TNNI3K: variants seen among roughly 807,000 people sequenced by gnomAD.
TNNI3K encodes TNNI3 interacting kinase, also known as serine/threonine-protein kinase TNNI3K.
A neutral mutation model predicts 114.5 loss-of-function variants in TNNI3K; 140 were observed. That is an observed-to-expected ratio of 1.22 (90% CI 1.07 to 1.41). The LOEUF (loss-of-function observed/expected upper bound fraction) is 1.41, where lower values mean the gene tolerates loss of function less well. Among genes scored for constraint, TNNI3K ranks in the 40% most tolerant of loss-of-function variants. TNNI3K has a pLI of 0.00. For missense variants in TNNI3K, 1,125 were observed against 1,007.6 expected, an observed-to-expected ratio of 1.12 and a Z score of -1.58; for synonymous variants, 347 against 347.5, an observed-to-expected ratio of 1.00 and a Z score of 0.02.
At chr1:74,353,644 C>CAAAAAAAAAAAGAAAAAAAAA (rs1661503781) in intron 10 of TNNI3K, among the ~76,000 whole-genome samples, 1 of 134,190 alleles carries the variant, frequency 7.5e-6, no homozygotes. Flanking sequence ...ATTTGGTGAT[C>CAAAAAAAAAAAGAAAAAAAAA]AAAAAAAAAA....
chr1:74,410,404 G>A (rs1256826278), intron 17 of TNNI3K, among the ~76,000 whole-genome samples: 2 of 152,168 alleles, frequency 1.3e-5, no homozygotes, highest in African/African-American at 4.8e-5. Context: ...TTAATCCAGT[G>A]CACTTTCCAC....
chr1:74,402,573 A>G (rs181442345), intron 17 of TNNI3K, among the ~76,000 whole-genome samples: 8 of 152,318 alleles, frequency 5.3e-5, no homozygotes, highest in African/African-American at 1.7e-4. Context: ...AACTCTATAT[A>G]TGTAGATTCA....
At chr1:74,349,789 T>C (rs1452767358) in intron 9 of TNNI3K, among the ~76,000 whole-genome samples, 1 of 152,216 alleles carries the variant, frequency 6.6e-6, no homozygotes, top group Non-Finnish European at 1.5e-5. Flanking sequence ...CTGATGGTAG[T>C]TTGTATTTCT....
intron 20 of TNNI3K, among the ~76,000 whole-genome samples, chr1:74,440,264 A>G (rs1408518033): frequency 2.6e-5 from 4 of 152,086 alleles, no homozygotes; most frequent in Non-Finnish European, 5.9e-5. Flanking sequence ...ATTTGCATCT[A>G]TCTCTCAATT....
chr1:74,367,378 A>G (rs760388473), intron 12 of TNNI3K, 36 bp downstream of exon 12: 1 of 1,605,782 alleles, frequency 6.2e-7, no homozygotes, highest in Admixed American at 1.7e-5. Context: ...ATTATTGTAT[A>G]ATATATTGTG....
rs192387276 is a variant in TNNI3K, at chr1:74,521,518, A to G, written c.2352-18716A>G. Among the ~76,000 whole-genome samples, 27 of 151,266 alleles carry G rather than the reference A, an allele frequency of 1.8e-4. No individual in the cohort carries two copies. In the East Asian group the frequency reaches 4.1e-3, roughly 23 times the overall value. On this transcript the variant is annotated intron_variant, in intron 23 of 24. Transcript: ENST00000326637. ...ACGCATTATGTATGTGTGTATGTGT[A>G]TATATATATATACACCTATATATAC...
chr1:74,307,242 T>C (rs1205743386), intron 5 of TNNI3K, among the ~76,000 whole-genome samples: 1 of 152,202 alleles, frequency 6.6e-6, no homozygotes, highest in African/African-American at 2.4e-5. Context: ...AGCAACTAGC[T>C]GCAACACTAT....
chr1:74,537,263 T>G (rs1268368993), intron 23 of TNNI3K, among the ~76,000 whole-genome samples: 1 of 152,124 alleles, frequency 6.6e-6, no homozygotes, highest in Non-Finnish European at 1.5e-5. Flanking sequence ...GGAGATAGAG[T>G]TCTAAAGAAG....
At chr1:74,505,996 GT>G (rs1382842339) in intron 23 of TNNI3K, among the ~76,000 whole-genome samples, 1 of 151,938 alleles carries the variant, frequency 6.6e-6, no homozygotes, top group Non-Finnish European at 1.5e-5. Flanking sequence ...ATCACTTTTT[GT>G]TTTTTTGGCC....
chr1:74,513,600 G>C (rs1476516410), intron 23 of TNNI3K, among the ~76,000 whole-genome samples: 1 of 152,138 alleles, frequency 6.6e-6, no homozygotes, highest in African/African-American at 2.4e-5. Context: ...GGCAGCTGGC[G>C]CTACTATGTG....
chr1:74,335,108 T>C (rs1022273345), intron 6 of TNNI3K, among the ~76,000 whole-genome samples: 9 of 152,130 alleles, frequency 5.9e-5, no homozygotes, highest in Non-Finnish European at 1.0e-4. Context: ...ACAGAACAAA[T>C]ACTGTATGTC....
rs17095415 is a variant in TNNI3K at position 74,480,820 on chromosome 1, C to G, written c.2122-8369C>G. ...GCAACAAGGTCCGCAACATCGTAAG[C>G]CCATGCAGGGCATCTTCCTGAACAT... On this transcript the variant is annotated intron_variant, in intron 21 of 24. Transcript: ENST00000326637. 5.9e-3 allele frequency: 4,240 copies of G among 717,544 alleles called. 133 individuals are homozygous for G. In the African/African-American group the frequency reaches 0.065, roughly 11 times the overall value. 44.4% of individuals were successfully genotyped at this position (717,544 alleles called of 1,614,324 possible). A position where few individuals can be genotyped will look rare whatever the true frequency, so the allele number is the denominator to read the frequency against.
Position 74,398,894 on chromosome 1 carries a change from C to T in TNNI3K, c.1772+28502C>T, listed in dbSNP as rs368904804. On this transcript the variant is annotated intron_variant, in intron 17 of 24. Transcript: ENST00000326637. The stretch of plus-strand genomic sequence containing the variant: ...AAACTAAAGGCTGAGTATGGTGGCT[C>T]ACCCCTGTAATCCCAGCACTTTAGG... Among the ~76,000 whole-genome samples, 51 of 152,172 alleles carry T rather than the reference C, an allele frequency of 3.4e-4. No homozygotes were observed. In the South Asian group the frequency reaches 0.01, roughly 30 times the overall value.
chr1:74,539,359 G>C (rs1186582304), intron 23 of TNNI3K, among the ~76,000 whole-genome samples: 1 of 152,098 alleles, frequency 6.6e-6, no homozygotes, highest in South Asian at 2.1e-4. Context: ...GTGAAGTTCT[G>C]GGGGGAACTA....
At chr1:74,378,596 A>ATG (rs1332599541) in intron 17 of TNNI3K, 2 of 27,540 alleles carry the variant, frequency 7.3e-5, no homozygotes, top group Non-Finnish European at 1.3e-4. Flanking sequence ...GTTTAATTTT[A>ATG]TATATATATA....
chr1:74,245,515 C>A (rs1365500034), intron 2 of TNNI3K, among the ~76,000 whole-genome samples: 1 of 152,128 alleles, frequency 6.6e-6, no homozygotes, highest in African/African-American at 2.4e-5. Flanking sequence ...AAGCTGCCTC[C>A]TGCCTATTTA....
chr1:74,378,322 A>G (rs1255597735), intron 17 of TNNI3K, among the ~76,000 whole-genome samples: 2 of 151,830 alleles, frequency 1.3e-5, no homozygotes, highest in Non-Finnish European at 2.9e-5. Flanking sequence ...CAGATTAGTT[A>G]GGGTAGTTTA....
intron 17 of TNNI3K, among the ~76,000 whole-genome samples, chr1:74,382,405 A>G (rs917477614): frequency 6.6e-6 from 1 of 152,212 alleles, no homozygotes; most frequent in Non-Finnish European, 1.5e-5. Context: ...TTTGTATACA[A>G]TGTATATTAA....
chr1:74,535,555 T>C (rs181413612), intron 23 of TNNI3K, among the ~76,000 whole-genome samples: 17 of 152,260 alleles, frequency 1.1e-4, no homozygotes, highest in Admixed American at 1.1e-3. Context: ...GACCTCCAGG[T>C]AGGTTCCTGG....
Sources: allele counts gnomAD v4.1 joint callset (sites outside exome capture counted in the v4.1 genomes callset), GRCh38; gene constraint gnomAD v4.1.1; transcripts MANE v1.5; gene names NCBI Gene and HGNC (gene_info 2026-07-23, HGNC 2026-07-21).